The following GABRG1 variants were observed in gnomAD, a reference collection of about 807,000 sequenced individuals.
GABRG1 encodes the protein gamma-aminobutyric acid receptor subunit gamma-1.
GABRG1 carries 49 observed loss-of-function variants against 49.8 expected under a neutral mutation model. The observed-to-expected ratio is 0.98, with a 90% CI of 0.78 to 1.25. The LOEUF (loss-of-function observed/expected upper bound fraction) is 1.25. Among genes scored for constraint, GABRG1 ranks in the 50% most tolerant of loss-of-function variants. GABRG1 has a pLI of 0.00. For missense variants in GABRG1, 552 were observed against 552.3 expected, an observed-to-expected ratio of 1.00 and a Z score of 0.01; for synonymous variants, 232 against 185.1, an observed-to-expected ratio of 1.25 and a Z score of -2.06.
At chr4:46,082,130 A>C (rs1303559082) in intron 3 of GABRG1, among the ~76,000 whole-genome samples, 1 of 151,820 alleles carries the variant, frequency 6.6e-6, no homozygotes, top group East Asian at 1.9e-4. Flanking sequence ...TAGCGTTTGG[A>C]ACTGAACATT....
rs1717606450 is a variant in GABRG1 at position 46,038,201 on chromosome 4, T to G, written c.*2787A>C. 6.6e-6 allele frequency: 1 copy of G among 151,676 alleles called. No homozygotes were observed. The highest frequency in any genetic ancestry group is 2.4e-5 in the African/African-American group (1 of 41,404). 9.4% of individuals were successfully genotyped at this position (151,676 alleles called of 1,614,324 possible). A position where few individuals can be genotyped will look rare whatever the true frequency, so the allele number is the denominator to read the frequency against. On this transcript the variant is annotated 3_prime_UTR_variant, in exon 9 of 9. Transcript: ENST00000295452. ...CTAAATTCTCAAGTATTCTATGTAT[T>G]TTTTACTTTTTTTTAGAACTTACTT... is the stretch of plus-strand genomic sequence containing the variant.
chr4:46,102,039 G>A (rs1474558456), intron 1 of GABRG1, among the ~76,000 whole-genome samples: 3 of 151,638 alleles, frequency 2.0e-5, no homozygotes, highest in Non-Finnish European at 4.4e-5. Context: ...GAAAAGGAGT[G>A]AATTCGATGT....
intron 8 of GABRG1, among the ~76,000 whole-genome samples, chr4:46,048,458 G>A (rs1718086968): frequency 6.7e-6 from 1 of 148,570 alleles, no homozygotes; most frequent in Admixed American, 6.8e-5. Flanking sequence ...TGTTGGTGGT[G>A]GTATCTATAT....
At chr4:46,093,477 T>C (rs2109429192) in intron 2 of GABRG1, among the ~76,000 whole-genome samples, 1 of 152,124 alleles carries the variant, frequency 6.6e-6, no homozygotes, top group Admixed American at 6.6e-5. Flanking sequence ...GTGGGGATGG[T>C]TAATGTGTAT....
chr4:46,049,047 T>A (rs935863082), intron 8 of GABRG1, among the ~76,000 whole-genome samples: 2 of 151,928 alleles, frequency 1.3e-5, no homozygotes, highest in Non-Finnish European at 2.9e-5. Flanking sequence ...TAAACATTTT[T>A]TTTAAAGGGA....
At chr4:46,073,407 T>A (rs928379008) in intron 3 of GABRG1, among the ~76,000 whole-genome samples, 14 of 152,086 alleles carry the variant, frequency 9.2e-5, no homozygotes, top group Admixed American at 3.9e-4. Context: ...GTCATCCATA[T>A]GAGGCAAAAA....
At chr4:46,091,106 A>G (rs1196701087) in intron 2 of GABRG1, among the ~76,000 whole-genome samples, 2 of 152,038 alleles carry the variant, frequency 1.3e-5, no homozygotes, top group Non-Finnish European at 2.9e-5. Context: ...CTAAGCATCT[A>G]AAACAACAGG....
At chr4:46,092,001 G>A (rs751136962) in intron 2 of GABRG1, among the ~76,000 whole-genome samples, 27 of 151,972 alleles carry the variant, frequency 1.8e-4, no homozygotes, top group Non-Finnish European at 3.1e-4. Flanking sequence ...AATAGTAAAA[G>A]TCAGGAGAAA....
chr4:46,081,073 A>G, intron 3 of GABRG1, among the ~76,000 whole-genome samples: 1 of 150,704 alleles, frequency 6.6e-6, no homozygotes, highest in South Asian at 2.1e-4. Context: ...TTTCCACGTC[A>G]TTGTTTTGTC....
intron 8 of GABRG1, among the ~76,000 whole-genome samples, chr4:46,047,457 T>C (rs1467696340): frequency 1.3e-5 from 2 of 152,072 alleles, no homozygotes; most frequent in Non-Finnish European, 2.9e-5. Flanking sequence ...TATTTACACA[T>C]GAAATGAAAG....
At chr4:46,088,266 A>G (rs943652320) in intron 2 of GABRG1, among the ~76,000 whole-genome samples, 1 of 152,088 alleles carries the variant, frequency 6.6e-6, no homozygotes, top group Non-Finnish European at 1.5e-5. Context: ...AGTCATATGT[A>G]ATGAAAAATT....
chr4:46,080,414 A>G (rs1719519280), intron 3 of GABRG1, among the ~76,000 whole-genome samples: 1 of 151,780 alleles, frequency 6.6e-6, no homozygotes, highest in Non-Finnish European at 1.5e-5. Context: ...ATTCATCCCT[A>G]GTATCACAAT....
At chr4:46,111,400 T>G (rs1020249635) in intron 1 of GABRG1, among the ~76,000 whole-genome samples, 4 of 151,104 alleles carry the variant, frequency 2.6e-5, no homozygotes, top group South Asian at 2.1e-4. Flanking sequence ...ACAATATTAT[T>G]AAAAAGGCCA....
intron 1 of GABRG1, among the ~76,000 whole-genome samples, chr4:46,109,867 G>T (rs1306545091): frequency 6.6e-6 from 1 of 150,868 alleles, no homozygotes; most frequent in Non-Finnish European, 1.5e-5. Flanking sequence ...TTCCACTGTG[G>T]TCCAAGACTA....
chr4:46,075,686 T>A (rs947771663), intron 3 of GABRG1, among the ~76,000 whole-genome samples: 4 of 151,972 alleles, frequency 2.6e-5, no homozygotes, highest in African/African-American at 7.2e-5. Flanking sequence ...CTACAAAAAA[T>A]TTAAAAAATC....
intron 2 of GABRG1, among the ~76,000 whole-genome samples, chr4:46,092,211 G>T (rs1720015343): frequency 6.6e-6 from 1 of 151,982 alleles, no homozygotes; most frequent in South Asian, 2.1e-4. Context: ...ATTAACACCA[G>T]AAATGATAAT....
intron 1 of GABRG1, among the ~76,000 whole-genome samples, chr4:46,097,811 A>G (rs1482595168): frequency 6.6e-6 from 1 of 151,752 alleles, no homozygotes; most frequent in Non-Finnish European, 1.5e-5. Context: ...AGAAGAATTA[A>G]GAAAAATTGA....
chr4:46,060,869 C>T (rs531502856), intron 5 of GABRG1, among the ~76,000 whole-genome samples: 21 of 152,034 alleles, frequency 1.4e-4, no homozygotes, highest in Non-Finnish European at 1.2e-4. Flanking sequence ...ACATGATTGG[C>T]TAAATAGCCA....
intron 3 of GABRG1, among the ~76,000 whole-genome samples, chr4:46,081,796 G>A (rs925604699): frequency 1.3e-5 from 2 of 151,716 alleles, no homozygotes; most frequent in African/African-American, 4.8e-5. Flanking sequence ...TTTAGGGTGG[G>A]CCCTAATACA....
Sources: gnomAD v4.1 joint callset for allele counts (sites outside exome capture counted in the v4.1 genomes callset) on GRCh38, gnomAD v4.1.1 for gene constraint, MANE v1.5 for transcripts, NCBI Gene and HGNC (gene_info 2026-07-23, HGNC 2026-07-21) for gene names.